FGF12: variants seen among roughly 807,000 people sequenced by gnomAD.
FGF12 encodes fibroblast growth factor 12B.
In FGF12, 14 loss-of-function variants were observed where a neutral mutation model predicts 23.6. The observed-to-expected ratio is 0.59, with a 90% CI of 0.39 to 0.93. FGF12 has a LOEUF of 0.93. FGF12 is among the 40% of genes least tolerant of loss of function. The probability of loss-of-function intolerance (pLI) is 0.00; values close to 1 mark genes in which losing one functional copy is unlikely to be tolerated. For missense variants in FGF12, 175 were observed against 217.8 expected, an observed-to-expected ratio of 0.80 and a Z score of 1.24; for synonymous variants, 62 against 77.3, an observed-to-expected ratio of 0.80 and a Z score of 1.04.
At chr3:192,286,493 T>A (rs764411126) in intron 4 of FGF12, among the ~76,000 whole-genome samples, 31 of 152,030 alleles carry the variant, frequency 2.0e-4, no homozygotes, top group Admixed American at 9.9e-4. Context: ...ACTGAATTGA[T>A]TGATTTCTGG....
At chr3:192,340,578 T>C (rs1187907737) in intron 3 of FGF12, among the ~76,000 whole-genome samples, 1 of 152,204 alleles carries the variant, frequency 6.6e-6, no homozygotes, top group East Asian at 1.9e-4. Flanking sequence ...TATCTTGTTC[T>C]ACATCTTTTT....
intron 4 of FGF12, among the ~76,000 whole-genome samples, chr3:192,212,155 G>T (rs1416727314): frequency 6.6e-6 from 1 of 152,196 alleles, no homozygotes; most frequent in African/African-American, 2.4e-5. Flanking sequence ...TCTCTGAGAA[G>T]TTGATTGCTC....
chr3:192,253,945 A>C (rs1012923727), intron 4 of FGF12, among the ~76,000 whole-genome samples: 2 of 152,102 alleles, frequency 1.3e-5, no homozygotes, highest in Non-Finnish European at 2.9e-5. Flanking sequence ...ATCATGTACA[A>C]GATGATGTTT....
chr3:192,493,549 T>C (rs1364515343), intron 2 of FGF12, among the ~76,000 whole-genome samples: 1 of 152,090 alleles, frequency 6.6e-6, no homozygotes, highest in Non-Finnish European at 1.5e-5. Flanking sequence ...GCCTGGGTAA[T>C]TTATAAAGAA....
At chr3:192,284,656 A>G (rs1266989180) in intron 4 of FGF12, among the ~76,000 whole-genome samples, 1 of 152,048 alleles carries the variant, frequency 6.6e-6, no homozygotes, top group African/African-American at 2.4e-5. Flanking sequence ...GTTTGTCATG[A>G]TTCTCAAGGC....
rs143606456 is a variant in FGF12 at position 192,587,736 on chromosome 3, G to A, written c.13+139445C>T. 7.2e-4 allele frequency among the ~76,000 whole-genome samples: 109 copies of A among 151,914 alleles called. 3 individuals are homozygous for A. Among genetic ancestry groups the A allele is most frequent in the African/African-American group, 2.1e-3 (88 of 41,520 alleles). On this transcript the variant is annotated intron_variant, in intron 2 of 5. Transcript: ENST00000445105. ...CTTGAAAGGCTGAGGCAGGAGAATC[G>A]CTTGAGTTCAGGACTTCAAGGTTAC...
At chr3:192,284,302 C>T (rs960793085) in intron 4 of FGF12, among the ~76,000 whole-genome samples, 1 of 152,076 alleles carries the variant, frequency 6.6e-6, no homozygotes, top group Non-Finnish European at 1.5e-5. Flanking sequence ...GCACCCTGCC[C>T]ATTGTGGATG....
At chr3:192,602,934 C>G (rs1276061628) in intron 2 of FGF12, among the ~76,000 whole-genome samples, 1 of 152,010 alleles carries the variant, frequency 6.6e-6, no homozygotes, top group Non-Finnish European at 1.5e-5. Flanking sequence ...TTAACAAAAA[C>G]CATATGACCA....
chr3:192,576,939 T>C (rs1194090469), intron 2 of FGF12, among the ~76,000 whole-genome samples: 1 of 152,168 alleles, frequency 6.6e-6, no homozygotes, highest in Non-Finnish European at 1.5e-5. Flanking sequence ...CCATCATTCT[T>C]GGCAAACTAA....
chr3:192,501,735 T>C (rs968672158), intron 2 of FGF12, among the ~76,000 whole-genome samples: 5 of 152,238 alleles, frequency 3.3e-5, no homozygotes, highest in African/African-American at 1.2e-4. Flanking sequence ...ACTCTAAACA[T>C]AGCAGTCTCT....
At chr3:192,277,290 GAAGA>G (rs1241250706) in intron 4 of FGF12, among the ~76,000 whole-genome samples, 1 of 151,384 alleles carries the variant, frequency 6.6e-6, no homozygotes, top group African/African-American at 2.5e-5. Context: ...GCCTAGGCCA[GAAGA>G]GAGAAGCCAG....
rs73195321 is a variant in FGF12, at chr3:192,440,081, G to A, written c.14-79543C>T. Among the ~76,000 whole-genome samples, 258 of 152,158 alleles carry A rather than the reference G, an allele frequency of 1.7e-3. 2 individuals are homozygous for A. The highest frequency in any genetic ancestry group is 0.01 in the Middle Eastern group (3 of 294). ...CCAGGGGCTGAGTGGAGGTACCCAG[G>A]TGAATACTTTTTCAGGTATTGGGAA... is the stretch of plus-strand genomic sequence containing the variant. On this transcript the variant is annotated intron_variant, in intron 2 of 5. Coordinates refer to ENST00000445105, the MANE Select transcript of FGF12 (RefSeq NM_004113.6).
At chr3:192,266,107 G>C (rs960377616) in intron 4 of FGF12, among the ~76,000 whole-genome samples, 1 of 150,442 alleles carries the variant, frequency 6.6e-6, no homozygotes, top group African/African-American at 2.4e-5. Context: ...CTGGTCCTTC[G>C]AAGGCAAAAC....
chr3:192,335,673 T>C (rs1365227248), intron 3 of FGF12, among the ~76,000 whole-genome samples: 1 of 152,116 alleles, frequency 6.6e-6, no homozygotes, highest in East Asian at 1.9e-4. Context: ...GTAAATTACA[T>C]AAACTCTGTA....
At chr3:192,444,142 C>A (rs974025757) in intron 2 of FGF12, among the ~76,000 whole-genome samples, 2 of 152,198 alleles carry the variant, frequency 1.3e-5, no homozygotes, top group Non-Finnish European at 2.9e-5. Flanking sequence ...AGTCTGGCCG[C>A]CTTGAGTTCC....
chr3:192,541,309 T>C (rs1248718362), intron 2 of FGF12, among the ~76,000 whole-genome samples: 2 of 152,216 alleles, frequency 1.3e-5, no homozygotes, highest in Non-Finnish European at 2.9e-5. Flanking sequence ...TATTTTCTGA[T>C]TGAAGTTACC....
intron 2 of FGF12, among the ~76,000 whole-genome samples, chr3:192,492,895 T>C (rs2108827179): frequency 6.6e-6 from 1 of 151,684 alleles, no homozygotes; most frequent in East Asian, 1.9e-4. Flanking sequence ...TAAGAAGTGA[T>C]GATGCCTCCC....
chr3:192,524,851 C>T (rs933675081), intron 2 of FGF12, among the ~76,000 whole-genome samples: 1 of 152,062 alleles, frequency 6.6e-6, no homozygotes, highest in African/African-American at 2.4e-5. Context: ...TTCTTAAACC[C>T]GAGTGCTGCC....
chr3:192,514,040 C>A lies in FGF12; in HGVS notation c.14-153502G>T, dbSNP rs1724576874. On this transcript the variant is annotated intron_variant, in intron 2 of 5. Transcript: ENST00000445105. This position sits in a 1 kb window ranked among gnomAD's most constrained non-coding sequence, Gnocchi z 4.9. ...AATTTTTAATGGCCTTTCTCAATAT[C>A]TCAGTTCATTCAAAGGTTCTGATTT... Among the ~76,000 whole-genome samples, 1 of 151,936 alleles carries A rather than the reference C, an allele frequency of 6.6e-6. No individual in the cohort carries two copies. The highest frequency in any genetic ancestry group is 2.4e-5 in the African/African-American group (1 of 41,332).
Sources: gnomAD v4.1 joint callset for allele counts (sites outside exome capture counted in the v4.1 genomes callset) on GRCh38, gnomAD v4.1.1 for gene constraint, Gnocchi (gnomAD v3.1) non-coding constraint, MANE v1.5 for transcripts, NCBI Gene and HGNC (gene_info 2026-07-23, HGNC 2026-07-21) for gene names.